Variants in SLIT3 observed in about 807,000 individuals in gnomAD.
SLIT3 encodes slit homolog 3 protein.
A neutral mutation model predicts 184.0 loss-of-function variants in SLIT3; 68 were observed. That is an observed-to-expected ratio of 0.37 (90% CI 0.30 to 0.45). The LOEUF (loss-of-function observed/expected upper bound fraction) is 0.45. Ranked by LOEUF, SLIT3 falls within the 20% of genes least tolerant of loss-of-function variation. The pLI is 1.00. For missense variants in SLIT3, 1,707 were observed against 2,026.0 expected (o/e 0.84, Z 3.02); for synonymous variants, 831 against 828.6 (o/e 1.00, Z -0.05).
chr5:168,696,539 C>A, intron 27 of SLIT3, 108 bp from the exon 28 acceptor site: 2 of 1,336,988 alleles, frequency 1.5e-6, no homozygotes, highest in South Asian at 1.3e-5. Context: ...AGTTTTTCCT[C>A]CAGATGGAGG....
intron 4 of SLIT3, among the ~76,000 whole-genome samples, chr5:168,965,209 A>G (rs1763144713): frequency 6.6e-6 from 1 of 152,232 alleles, no homozygotes; most frequent in Admixed American, 6.5e-5. Context: ...GAAAACTCCT[A>G]TGATTATAAA....
intron 3 of SLIT3, among the ~76,000 whole-genome samples, chr5:169,221,557 G>A (rs1251495594): frequency 6.6e-6 from 1 of 152,190 alleles, no homozygotes; most frequent in Non-Finnish European, 1.5e-5. Flanking sequence ...ATCTGAATGG[G>A]TGTTAGGCTC....
intron 11 of SLIT3, among the ~76,000 whole-genome samples, chr5:168,786,754 C>T (rs763747717): frequency 6.6e-5 from 10 of 152,078 alleles, no homozygotes; most frequent in Non-Finnish European, 1.5e-4. Context: ...TGCTCAGGGG[C>T]GTCTTTATGC....
intron 8 of SLIT3, among the ~76,000 whole-genome samples, chr5:168,807,015 A>G (rs1014105925): frequency 6.6e-6 from 1 of 152,222 alleles, no homozygotes; most frequent in Non-Finnish European, 1.5e-5. Context: ...CCACGGGGCT[A>G]TCAAAACCAA....
intron 4 of SLIT3, among the ~76,000 whole-genome samples, chr5:168,912,691 T>C (rs1225987596): frequency 6.6e-6 from 1 of 152,228 alleles, no homozygotes; most frequent in East Asian, 1.9e-4. Context: ...GAATCTTTAC[T>C]ATGTCTCTAT....
chr5:168,858,548 T>C (rs956118643), intron 5 of SLIT3, among the ~76,000 whole-genome samples: 1 of 152,262 alleles, frequency 6.6e-6, no homozygotes, highest in Non-Finnish European at 1.5e-5. Flanking sequence ...GCCACTTACA[T>C]AGTGCCCTGG....
chr5:168,698,743 C>T (rs1009927990), intron 27 of SLIT3, among the ~76,000 whole-genome samples: 1 of 152,148 alleles, frequency 6.6e-6, no homozygotes, highest in Non-Finnish European at 1.5e-5. Flanking sequence ...GAAGAGTTTC[C>T]CTATTCCTTG....
chr5:169,018,847 A>C (rs1756492479), intron 4 of SLIT3: 1 of 152,106 alleles, frequency 6.6e-6, no homozygotes, highest in Non-Finnish European at 1.5e-5. Flanking sequence ...TTTTGACTAC[A>C]TCTTTGGAAC....
chr5:169,042,302 C>T (rs1757472104), intron 4 of SLIT3, among the ~76,000 whole-genome samples: 1 of 152,156 alleles, frequency 6.6e-6, no homozygotes, highest in African/African-American at 2.4e-5. Context: ...TCCAAGATCT[C>T]ATGAAAAATT....
chr5:168,814,349 T>C (rs1260333745), intron 8 of SLIT3, among the ~76,000 whole-genome samples: 3 of 152,126 alleles, frequency 2.0e-5, no homozygotes, highest in African/African-American at 7.2e-5. Flanking sequence ...TGAGCCAAAA[T>C]ACTGCCATTG....
chr5:168,752,854 C>T (rs777980211), intron 18 of SLIT3, 101 bp downstream of exon 18: 13 of 1,218,116 alleles, frequency 1.1e-5, no homozygotes, highest in African/African-American at 1.5e-5. Flanking sequence ...AGTGGACAGA[C>T]AGATAGATGA....
chr5:169,297,119 T>A (rs1194661091), intron 1 of SLIT3, among the ~76,000 whole-genome samples: 1 of 152,246 alleles, frequency 6.6e-6, no homozygotes, highest in African/African-American at 2.4e-5. Flanking sequence ...GGCACCGCCA[T>A]CCACTTCCTC....
intron 10 of SLIT3, chr5:168,791,596 C>T (rs1424901412): frequency 6.6e-6 from 1 of 152,210 alleles, no homozygotes; most frequent in Non-Finnish European, 1.5e-5. Context: ...CACTACTGTA[C>T]TCAACTAGTC....
At chr5:169,236,187 G>T (rs1765191065) in intron 3 of SLIT3, among the ~76,000 whole-genome samples, 1 of 151,916 alleles carries the variant, frequency 6.6e-6, no homozygotes, top group Non-Finnish European at 1.5e-5. Context: ...TAATTATTTT[G>T]TTACTCAAAT....
intron 2 of SLIT3, among the ~76,000 whole-genome samples, chr5:169,247,739 T>G (rs1483839451): frequency 6.6e-6 from 1 of 152,122 alleles, no homozygotes; most frequent in Non-Finnish European, 1.5e-5. Flanking sequence ...GTGCTGGGAC[T>G]ATAGGCGCAT....
At chr5:168,806,322 C>T in intron 9 of SLIT3, 124 bp downstream of exon 9, 1 of 1,026,536 alleles carries the variant, frequency 9.7e-7, no homozygotes, top group Non-Finnish European at 1.5e-6. Flanking sequence ...AAAGAGATTC[C>T]TGAGTGTTTT....
chr5:169,244,576 A>C (rs976750324), intron 3 of SLIT3, 129 bp downstream of exon 3: 15 of 716,000 alleles, frequency 2.1e-5, no homozygotes, highest in Non-Finnish European at 3.6e-5. Context: ...AATAGCAAAC[A>C]TTCTATTTAA....
At chr5:169,254,165 G>A (rs1442400488) in intron 1 of SLIT3, among the ~76,000 whole-genome samples, 2 of 152,202 alleles carry the variant, frequency 1.3e-5, no homozygotes, top group African/African-American at 4.8e-5. Flanking sequence ...TAGGAGCTTT[G>A]TCTCCTACTT....
chr5:168,929,833 G>A (rs1362478270), intron 4 of SLIT3, among the ~76,000 whole-genome samples: 2 of 152,250 alleles, frequency 1.3e-5, no homozygotes, highest in African/African-American at 2.4e-5. Flanking sequence ...ACGGGGACAT[G>A]GCGTGGGCCG....
Sources: allele counts gnomAD v4.1 joint callset (sites outside exome capture counted in the v4.1 genomes callset), GRCh38; gene constraint gnomAD v4.1.1; transcripts MANE v1.5; gene names NCBI Gene and HGNC (gene_info 2026-07-23, HGNC 2026-07-21).